Variants in SPAST observed in about 807,000 individuals in gnomAD.
SPAST encodes spastic paraplegia 4 (autosomal dominant; spastin).
In SPAST, 30 loss-of-function variants were observed where a neutral mutation model predicts 76.6. The observed-to-expected ratio is 0.39, with a 90% CI of 0.29 to 0.53. SPAST has a LOEUF of 0.53. SPAST is among the 20% of genes least tolerant of loss of function. The pLI is 0.68. For missense variants in SPAST, 717 were observed against 770.5 expected, an observed-to-expected ratio of 0.93 and a Z score of 0.82; for synonymous variants, 305 against 281.0, an observed-to-expected ratio of 1.09 and a Z score of -0.86.
At chr2:32,153,239 A>C (rs1467742179) in intron 16 of SPAST, among the ~76,000 whole-genome samples, 2 of 150,480 alleles carry the variant, frequency 1.3e-5, no homozygotes, top group Non-Finnish European at 3.0e-5. Context: ...TTAACTTCTT[A>C]TTTTTGGGCC....
chr2:32,083,770 ATATATATTTT>A (rs1677356980), intron 1 of SPAST, among the ~76,000 whole-genome samples: 7 of 48,014 alleles, frequency 1.5e-4, no homozygotes, highest in Admixed American at 5.2e-4. Flanking sequence ...ATATATATAT[ATATATATTTT>A]TTTTTTTTTT....
At chr2:32,096,668 C>A (rs1677928382) in intron 3 of SPAST, among the ~76,000 whole-genome samples, 2 of 152,058 alleles carry the variant, frequency 1.3e-5, no homozygotes, top group South Asian at 4.2e-4. Context: ...AATATAATTT[C>A]TTTCTTTTTA....
chr2:32,111,970 T>TTAGTAGTAGTAGTAGTAG (rs55815291), intron 4 of SPAST, among the ~76,000 whole-genome samples: 36 of 141,282 alleles, frequency 2.5e-4, no homozygotes, highest in African/African-American at 7.5e-4. Context: ...TATAATTAAG[T>TTAGTAGTAGTAGTAGTAG]TAGTAGTAGT....
intron 1 of SPAST, among the ~76,000 whole-genome samples, chr2:32,083,770 ATATATATTT>A (rs1677356896): frequency 4.2e-5 from 2 of 48,018 alleles, no homozygotes; most frequent in African/African-American, 1.5e-4. Flanking sequence ...ATATATATAT[ATATATATTT>A]TTTTTTTTTT....
intron 7 of SPAST, among the ~76,000 whole-genome samples, chr2:32,119,705 A>G (rs1214709748): frequency 2.6e-5 from 4 of 152,192 alleles, no homozygotes; most frequent in African/African-American, 4.8e-5. Context: ...TTGACAAAAA[A>G]CTCAAACTAA....
chr2:32,064,279 GC>G, intron 1 of SPAST, 33 bp downstream of exon 1: 2 of 1,309,448 alleles, frequency 1.5e-6, no homozygotes, highest in Non-Finnish European at 2.1e-6. Flanking sequence ...GGGCGGCGGC[GC>G]CGGGAAGAAG....
chr2:32,148,452 A>C lies in SPAST; in HGVS notation c.1728+1194A>C, dbSNP rs189741767. 6.5e-3 allele frequency among the ~76,000 whole-genome samples: 982 copies of C among 151,992 alleles called. 7 individuals are homozygous for C. The highest frequency in any genetic ancestry group is 0.011 in the Non-Finnish European group (725 of 67,956). The stretch of plus-strand genomic sequence containing the variant: ...TTTGGGAGGCCGAGGTGGGCAGATC[A>C]CTTGAGGTCAGGAGTTCAAGACCAG... On this transcript the variant is annotated intron_variant, in intron 16 of 16. Transcript: ENST00000315285.
chr2:32,069,773 A>G (rs1187131940), intron 1 of SPAST, among the ~76,000 whole-genome samples: 3 of 151,988 alleles, frequency 2.0e-5, no homozygotes, highest in African/African-American at 7.2e-5. Context: ...GTTAGCCAGT[A>G]CGGTCTCGAT....
intron 1 of SPAST, among the ~76,000 whole-genome samples, chr2:32,081,777 C>CT (rs1288694850): frequency 2.4e-5 from 1 of 41,616 alleles, no homozygotes; most frequent in African/African-American, 8.6e-5. Context: ...GAGTGAGACA[C>CT]TGTCAAAAAA....
At chr2:32,146,624 T>A (rs986421873) in intron 15 of SPAST, among the ~76,000 whole-genome samples, 1 of 151,890 alleles carries the variant, frequency 6.6e-6, no homozygotes, top group African/African-American at 2.4e-5. Context: ...CCCAGCACTT[T>A]GGGAGGCCAA....
chr2:32,123,716 C>G (rs1679098192), intron 7 of SPAST, among the ~76,000 whole-genome samples: 1 of 152,052 alleles, frequency 6.6e-6, no homozygotes, highest in Non-Finnish European at 1.5e-5. Context: ...AGAAATCAAC[C>G]CACACAGATA....
chr2:32,077,255 T>C (rs1293569848), intron 1 of SPAST, among the ~76,000 whole-genome samples: 1 of 152,198 alleles, frequency 6.6e-6, no homozygotes, highest in Non-Finnish European at 1.5e-5. Context: ...GGAAAATGGA[T>C]ATATTTGTTC....
chr2:32,152,771 A>C (rs1165442137), intron 16 of SPAST, among the ~76,000 whole-genome samples: 2 of 150,932 alleles, frequency 1.3e-5, no homozygotes, highest in Non-Finnish European at 3.0e-5. Flanking sequence ...TTTTTGAGAC[A>C]GGGTATCACT....
intron 16 of SPAST, 80 bp downstream of exon 16, chr2:32,147,338 G>A: frequency 2.0e-6 from 1 of 488,204 alleles, no homozygotes; most frequent in South Asian, 2.6e-5. Context: ...GAATGTGTGT[G>A]TGTGTGGTTT....
At chr2:32,110,642 A>G (rs571467529) in intron 4 of SPAST, among the ~76,000 whole-genome samples, 177 of 138,652 alleles carry the variant, frequency 1.3e-3, no homozygotes, top group African/African-American at 4.5e-3. Flanking sequence ...TGTAGTATAT[A>G]TAGTATATAT....
chr2:32,088,514 C>T (rs561015546), intron 2 of SPAST, among the ~76,000 whole-genome samples: 63 of 152,204 alleles, frequency 4.1e-4, no homozygotes, highest in African/African-American at 8.9e-4. Context: ...CGTGGTGTCG[C>T]GCACCTGTAA....
chr2:32,139,783 C>T (rs1193347470), intron 12 of SPAST, among the ~76,000 whole-genome samples: 2 of 149,982 alleles, frequency 1.3e-5, no homozygotes, highest in Admixed American at 6.7e-5. Context: ...GAGCCGAGAT[C>T]GTGCCACTGC....
chr2:32,072,494 A>G (rs941293674), intron 1 of SPAST, among the ~76,000 whole-genome samples: 1 of 152,164 alleles, frequency 6.6e-6, no homozygotes, highest in Admixed American at 6.6e-5. Flanking sequence ...TCCAAAGGGA[A>G]GAGGGTATAT....
intron 7 of SPAST, among the ~76,000 whole-genome samples, chr2:32,117,237 G>T (rs907081419): frequency 1.3e-5 from 2 of 152,094 alleles, no homozygotes; most frequent in African/African-American, 4.8e-5. Context: ...TGGCGACAGA[G>T]CGAGACTCCG....
Sources: gnomAD v4.1 joint callset for allele counts (sites outside exome capture counted in the v4.1 genomes callset) on GRCh38, gnomAD v4.1.1 for gene constraint, MANE v1.5 for transcripts, NCBI Gene and HGNC (gene_info 2026-07-23, HGNC 2026-07-21) for gene names.